EVC2: variants seen among roughly 807,000 people sequenced by gnomAD.
EVC2 encodes the protein EvC ciliary complex subunit 2, also known as limbin.
EVC2 carries 148 observed loss-of-function variants against 149.3 expected under a neutral mutation model. That is an observed-to-expected ratio of 0.99 (90% CI 0.87 to 1.14). EVC2 has a LOEUF of 1.14. Ranked by LOEUF, EVC2 falls within the 50% of genes most tolerant of loss-of-function variation. EVC2 has a pLI of 0.00. For missense variants in EVC2, 1,854 were observed against 1,627.3 expected, an observed-to-expected ratio of 1.14 and a Z score of -2.40; for synonymous variants, 776 against 649.9, an observed-to-expected ratio of 1.19 and a Z score of -2.95.
At chr4:5,707,260 C>G (rs191191103) in intron 1 of EVC2, among the ~76,000 whole-genome samples, 6 of 152,260 alleles carry the variant, frequency 3.9e-5, no homozygotes, top group Admixed American at 1.3e-4. Flanking sequence ...ACTGACATGG[C>G]GTTTTTCCAG....
At chr4:5,705,957 G>A (rs1010060196) in intron 1 of EVC2, among the ~76,000 whole-genome samples, 3 of 152,048 alleles carry the variant, frequency 2.0e-5, no homozygotes, top group Non-Finnish European at 4.4e-5. Flanking sequence ...GTCCAGCAAA[G>A]GAAACAGACA....
In EVC2 at chr4:5,548,238, T is replaced by C. The variant is rs190036910; in HGVS notation, c.3420-5026A>G. Among the ~76,000 whole-genome samples, 4 of 151,878 alleles carry C rather than the reference T, an allele frequency of 2.6e-5. No individual in the cohort carries two copies. In the East Asian group the frequency reaches 5.9e-4, roughly 22 times the overall value. ...TGAACCCAGCAGGCCCAAGCAAAACTTGGGCAAAGGTGCCACCAGCCACAG... is the reference window on the plus strand; with the variant it reads ...TGAACCCAGCAGGCCCAAGCAAAACCTGGGCAAAGGTGCCACCAGCCACAG... On this transcript the variant is annotated intron_variant and NMD_transcript_variant, in intron 21 of 22. Coordinates refer to the EVC2 transcript ENST00000475313.
At chr4:5,698,335 T>A (rs1460469519) in intron 1 of EVC2, among the ~76,000 whole-genome samples, 1 of 152,054 alleles carries the variant, frequency 6.6e-6, no homozygotes, top group Non-Finnish European at 1.5e-5. Context: ...TCCAGGGTGG[T>A]AGATAAGACA....
chr4:5,708,413 C>A lies in EVC2; in HGVS notation c.101G>T (p.Ser34Ile), dbSNP rs888701582. 1 of 1,502,502 alleles carries A rather than the reference C, an allele frequency of 6.7e-7. No individual in the cohort carries two copies. 93.1% of individuals were successfully genotyped at this position (1,502,502 alleles called of 1,614,324 possible). The change falls in exon 1 of 22, where the codon AGC (serine) becomes ATC (isoleucine). Residue 34 changes from serine (S) to isoleucine (I), a missense_variant. Ser to Ile is a moderately radical substitution (Grantham distance 142, BLOSUM62 -2). Coordinates refer to ENST00000344408, the MANE Select transcript of EVC2 (RefSeq NM_147127.5). ...GAGGGGGCGCCAGCGGGGACGTGAG[C>A]TGGCGCCGAGACAGCCTCGGCCCCC... Reference protein sequence around the residue: ...ALGGRGCLGASSRPRWRPLGA... With the variant: ...ALGGRGCLGAISRPRWRPLGA...
downstream of EVC2, among the ~76,000 whole-genome samples, chr4:5,540,205 G>A (rs995903989): frequency 6.6e-6 from 1 of 152,214 alleles, no homozygotes. Context: ...AGAATGTGGA[G>A]GAACCAGAAC....
chr4:5,613,283 C>G lies in EVC2; in HGVS notation c.2829+2139G>C, dbSNP rs924213637. Among the ~76,000 whole-genome samples, 4 of 152,188 alleles carry G rather than the reference C, an allele frequency of 2.6e-5. No homozygotes were observed. The highest frequency in any genetic ancestry group is 9.7e-5 in the African/African-American group (4 of 41,446). On this transcript the variant is annotated intron_variant, in intron 16 of 21. Coordinates refer to ENST00000344408, the MANE Select transcript of EVC2 (RefSeq NM_147127.5). The surrounding 1 kb of genome is among the most constrained non-coding windows in gnomAD (Gnocchi z 4.6). ...CAACCCTCTGGGTTCCCTCTGTGCA[C>G]TGTGGCCTCCAGCACAGTCCAGGAT...
At chr4:5,643,816 G>A (rs1717514832) in intron 9 of EVC2, among the ~76,000 whole-genome samples, 1 of 152,104 alleles carries the variant, frequency 6.6e-6, no homozygotes, top group Non-Finnish European at 1.5e-5. Context: ...AGCTACTCGG[G>A]TGGCTGAGGC....
intron 20 of EVC2, among the ~76,000 whole-genome samples, chr4:5,566,924 C>T (rs565185917): frequency 3.1e-4 from 47 of 152,256 alleles, no homozygotes; most frequent in Admixed American, 1.2e-3. Flanking sequence ...AGGCAGGCAG[C>T]ACACTGGGAA....
At chr4:5,529,909 C>A in the EVC2 span, among the ~76,000 whole-genome samples, 1 of 151,606 alleles carries the variant, frequency 6.6e-6, no homozygotes, top group Non-Finnish European at 1.5e-5. This position sits in a 1 kb window ranked among gnomAD's most constrained non-coding sequence, Gnocchi z 4.5. Context: ...CTCCACCTCC[C>A]GGTGCAAGCG....
rs983562427 is a variant in EVC2 at position 5,668,556 on chromosome 4, C to T, written c.871-2907G>A. The stretch of plus-strand genomic sequence containing the variant: ...TGTACCTACTAGACAAGAAAAAAAT[C>T]GATAAGCTGAATAAACGTAAATAGC... On this transcript the variant is annotated intron_variant, in intron 7 of 21. Coordinates refer to ENST00000344408, the MANE Select transcript of EVC2 (RefSeq NM_147127.5). 4.6e-5 allele frequency among the ~76,000 whole-genome samples: 7 copies of T among 152,088 alleles called. No homozygotes were observed. The South Asian group carries it at 6.2e-4, about 14-fold the overall frequency.
rs1340917442 is a variant in EVC2, at chr4:5,614,926, G to A, written c.2829+496C>T. Among the ~76,000 whole-genome samples, 9 of 151,412 alleles carry A rather than the reference G, an allele frequency of 5.9e-5. No individual in the cohort carries two copies. Among genetic ancestry groups the A allele is most frequent in the Non-Finnish European group, 1.0e-4 (7 of 67,852 alleles). ...CAGGAGGCGGAGGTTGCAGTGAGCCGAGATCACACCACTGCACTCCAGCCT... is the reference window on the plus strand; with the variant it reads ...CAGGAGGCGGAGGTTGCAGTGAGCCAAGATCACACCACTGCACTCCAGCCT... On this transcript the variant is annotated intron_variant, in intron 16 of 21. Transcript: ENST00000344408. This position sits in a 1 kb window ranked among gnomAD's most constrained non-coding sequence, Gnocchi z 4.7.
the EVC2 span, among the ~76,000 whole-genome samples, chr4:5,533,718 A>G: frequency 6.6e-6 from 1 of 152,226 alleles, no homozygotes; most frequent in Non-Finnish European, 1.5e-5. Flanking sequence ...TGCCGCTAAG[A>G]AAGCTGACTG....
chr4:5,547,418 C>A (rs1036892983), intron 21 of EVC2, among the ~76,000 whole-genome samples: 1 of 152,212 alleles, frequency 6.6e-6, no homozygotes, highest in African/African-American at 2.4e-5. Context: ...GAGGCACCAC[C>A]TTCAGGCCCT....
intron 9 of EVC2, among the ~76,000 whole-genome samples, chr4:5,642,022 G>A (rs1717365543): frequency 6.6e-6 from 1 of 151,698 alleles, no homozygotes; most frequent in African/African-American, 2.4e-5. Flanking sequence ...TCCCACTTAT[G>A]AGTGAGAACA....
At chr4:5,580,264 C>A (rs1408629969) in intron 17 of EVC2, among the ~76,000 whole-genome samples, 1 of 152,192 alleles carries the variant, frequency 6.6e-6, no homozygotes, top group Admixed American at 6.5e-5. Context: ...GTCTTCATTT[C>A]AAATGCAAAC....
At chr4:5,663,024 T>G (rs943729833) in intron 9 of EVC2, 83 bp downstream of exon 9, 31 of 1,549,102 alleles carry the variant, frequency 2.0e-5, no homozygotes, top group Non-Finnish European at 2.7e-5. Context: ...ATGAATGAAA[T>G]ATACTCAGCA....
At position 5,693,188 on chromosome 4, in the gene EVC2, C is replaced by T. The variant is rs1016131599; in HGVS notation, c.450+1147G>A. The stretch of plus-strand genomic sequence containing the variant: ...TGGAGGGTGCTGCCCTGTGAGGTGA[C>T]GAGTTACCTGTAACTGGAGAGGACT... On this transcript the variant is annotated intron_variant, in intron 3 of 21. Coordinates refer to ENST00000344408, the MANE Select transcript of EVC2 (RefSeq NM_147127.5). Among the ~76,000 whole-genome samples the T allele has an allele frequency of 2.6e-5, 4 of 152,194 alleles. No individual in the cohort carries two copies. The East Asian group carries it at 5.8e-4, about 22-fold the overall frequency.
At chr4:5,680,517 C>T (rs888243807) in intron 7 of EVC2, among the ~76,000 whole-genome samples, 10 of 152,236 alleles carry the variant, frequency 6.6e-5, no homozygotes, top group Admixed American at 4.6e-4. Flanking sequence ...TTATGTGGCG[C>T]GTGACTGTAT....
At chr4:5,630,133 T>C (rs1412104282) in intron 11 of EVC2, among the ~76,000 whole-genome samples, 3 of 152,168 alleles carry the variant, frequency 2.0e-5, no homozygotes, top group Non-Finnish European at 4.4e-5. Context: ...TCACTGAGGA[T>C]TTAGTGGGAA....
Sources: gnomAD v4.1 joint callset for allele counts (sites outside exome capture counted in the v4.1 genomes callset) on GRCh38, gnomAD v4.1.1 for gene constraint, Gnocchi (gnomAD v3.1) non-coding constraint, MANE v1.5 for transcripts, NCBI Gene and HGNC (gene_info 2026-07-23, HGNC 2026-07-21) for gene names.